Variants in PDE4A observed in about 807,000 individuals in gnomAD.
The protein encoded by PDE4A is 3',5'-cyclic-AMP phosphodiesterase 4A.
A neutral mutation model predicts 73.9 loss-of-function variants in PDE4A; 21 were observed. The observed-to-expected ratio is 0.28, with a 90% CI of 0.20 to 0.41. The LOEUF (loss-of-function observed/expected upper bound fraction) is 0.41, where lower values mean the gene tolerates loss of function less well. PDE4A is among the 10% of genes least tolerant of loss of function. The pLI is 1.00. For synonymous variants in PDE4A, 463 were observed against 505.4 expected (o/e 0.92, Z 1.13); for missense variants, 958 against 1,211.4 (o/e 0.79, Z 3.10).
chr19:10,462,401 GCCC>G (rs921267735), intron 13 of PDE4A, among the ~76,000 whole-genome samples: 1 of 81,652 alleles, frequency 1.2e-5, no homozygotes, highest in Non-Finnish European at 2.7e-5. Context: ...ATCCCCCCCC[GCCC>G]CCCGCCTTGG....
intron 6 of PDE4A, among the ~76,000 whole-genome samples, chr19:10,452,293 C>T (rs1341588801): frequency 6.6e-6 from 1 of 151,774 alleles, no homozygotes; most frequent in Non-Finnish European, 1.5e-5. Flanking sequence ...CAAAATTAGT[C>T]GGGTGTGCTG....
upstream of PDE4A, chr19:10,417,536 G>A: frequency 1.4e-6 from 2 of 1,441,026 alleles, no homozygotes; most frequent in Non-Finnish European, 1.8e-6. Context: ...TGGCTCACAC[G>A]TGAAGGGGAG....
chr19:10,421,734 G>C (rs902001487), intron 1 of PDE4A, among the ~76,000 whole-genome samples: 3 of 152,168 alleles, frequency 2.0e-5, no homozygotes, highest in African/African-American at 7.2e-5. Context: ...AACAGTGGAG[G>C]GGGGGCGCAG....
chr19:10,449,331 TTTTG>T (rs1298341686), intron 4 of PDE4A, among the ~76,000 whole-genome samples, 181 bp downstream of exon 4: 21 of 150,344 alleles, frequency 1.4e-4, no homozygotes, highest in South Asian at 1.0e-3. Flanking sequence ...CAGAGGTGTT[TTTTG>T]TTTGTTTGTT....
rs1252093571 is a variant in PDE4A, at chr19:10,420,888, C to G, written c.124C>G (p.Arg42Gly). 18 of 1,589,446 alleles carry G rather than the reference C, an allele frequency of 1.1e-5. No individual in the cohort carries two copies. In the Admixed American group the frequency reaches 2.5e-4, roughly 22 times the overall value. ...HLWRQPRTPI[R>G]IQQRGYSDSA... ...GTGGCGGCAGCCTCGGACCCCCATC[C>G]GTATCCAGCAGCGCGGCTACTCCGA... Residue 42 changes from arginine (R) to glycine (G), a missense_variant, in exon 1 of 15, where the codon CGT becomes GGT. Arg to Gly is a moderately radical substitution (Grantham distance 125). Coordinates refer to ENST00000380702, the MANE Select transcript of PDE4A (RefSeq NM_001111307.2). This position sits in a 1 kb window ranked among gnomAD's most constrained non-coding sequence, Gnocchi z 6.0.
chr19:10,430,791 G>C, intron 1 of PDE4A: 1 of 687,700 alleles, frequency 1.5e-6, no homozygotes, highest in Non-Finnish European at 1.8e-6. Flanking sequence ...TGGGCCTGGC[G>C]GGGTGGGCGG....
At chr19:10,461,490 C>T (rs780090078) in intron 11 of PDE4A, 36 bp from the exon 12 acceptor site, 2 of 1,608,312 alleles carry the variant, frequency 1.2e-6, no homozygotes, top group Admixed American at 3.3e-5. Context: ...GAGCTGCACA[C>T]GTGGGCCCTC....
intron 1 of PDE4A, among the ~76,000 whole-genome samples, chr19:10,442,563 A>G (rs1306726464): frequency 6.6e-6 from 1 of 151,856 alleles, no homozygotes; most frequent in African/African-American, 2.4e-5. Flanking sequence ...ATAAGAAGAC[A>G]CGCTTTAGGC....
upstream of PDE4A, chr19:10,416,923 C>T (rs568897912): frequency 3.2e-6 from 5 of 1,539,488 alleles, no homozygotes; most frequent in East Asian, 9.7e-5. Flanking sequence ...GCAGTCCCAA[C>T]GGCGCGCTAG....
chr19:10,431,793 G>A (rs899757413), intron 1 of PDE4A, among the ~76,000 whole-genome samples: 3 of 152,298 alleles, frequency 2.0e-5, no homozygotes, highest in South Asian at 4.1e-4. Context: ...GGGGACAGAA[G>A]AGGAAGAGGG....
chr19:10,450,456 G>C, intron 4 of PDE4A, 147 bp from the exon 5 acceptor site: 1 of 1,422,350 alleles, frequency 7.0e-7, no homozygotes, highest in Non-Finnish European at 9.2e-7. Context: ...GACTCATTGA[G>C]GCTGCAGGCA....
At chr19:10,428,214 A>G (rs1243839128) in intron 1 of PDE4A, among the ~76,000 whole-genome samples, 1 of 152,106 alleles carries the variant, frequency 6.6e-6, no homozygotes, top group African/African-American at 2.4e-5. Context: ...TTAGTCAGGC[A>G]TGGTGGCGCA....
upstream of PDE4A, among the ~76,000 whole-genome samples, chr19:10,418,350 T>C (rs188983687): frequency 2.8e-4 from 42 of 152,260 alleles, no homozygotes; most frequent in African/African-American, 9.9e-4. Flanking sequence ...TCTGGGGACC[T>C]TCCAGGTACC....
At chr19:10,426,032 A>G (rs1329186609) in intron 1 of PDE4A, among the ~76,000 whole-genome samples, 1 of 148,730 alleles carries the variant, frequency 6.7e-6, no homozygotes, top group East Asian at 2.0e-4. Flanking sequence ...GGAAGGAAGG[A>G]AAGAAAAGAG....
Position 10,453,316 on chromosome 19 carries a change from G to A in PDE4A, c.784-1513G>A, listed in dbSNP as rs1462612487. 2.5e-6 allele frequency: 4 copies of A among 1,613,428 alleles called. No homozygotes were observed. In the South Asian group the frequency reaches 3.3e-5, roughly 13 times the overall value. On this transcript the variant is annotated intron_variant, in intron 6 of 14. Transcript: ENST00000380702. This position sits in a 1 kb window ranked among gnomAD's most constrained non-coding sequence, Gnocchi z 4.6. ...ACCTGCTCTAAGCCTTGGCTGGTGG[G>A]CTGGTGGGACCAGGTAGGAGAGTGC... is the stretch of plus-strand genomic sequence containing the variant.
intron 7 of PDE4A, 101 bp downstream of exon 7, chr19:10,455,023 TCTGA>T: frequency 8.9e-7 from 1 of 1,122,158 alleles, no homozygotes; most frequent in South Asian, 1.3e-5. Context: ...TCCCAGGGAC[TCTGA>T]CTCTCAACTC....
rs373223236 is a variant in PDE4A, at chr19:10,463,911, G to A, written c.1862G>A (p.Arg621His). The change falls in exon 14 of 15, where the codon CGC becomes CAC. Residue 621 changes from arginine (R) to histidine (H), a missense_variant. Physicochemically the swap from Arg to His is conservative, Grantham distance 29. This residue lies in a region of PDE4A where 570 missense variants were observed against 827.7 expected (regional missense o/e 0.69). Coordinates refer to ENST00000380702, the MANE Select transcript of PDE4A (RefSeq NM_001111307.2). ...TTCTTCCAGCAGGGTGACCGAGAGC[G>A]CGAGCGTGGCATGGAAATCAGCCCC... is the stretch of plus-strand genomic sequence containing the variant. ...AEFFQQGDRE[R>H]ERGMEISPMC... is the part of the protein sequence containing the mutation. 23 of 1,614,006 alleles carry A rather than the reference G, an allele frequency of 1.4e-5. No homozygotes were observed. Among genetic ancestry groups the A allele is most frequent in the Non-Finnish European group, 1.7e-5 (20 of 1,180,024 alleles).
intron 7 of PDE4A, among the ~76,000 whole-genome samples, chr19:10,457,123 G>T (rs1019393294): frequency 6.6e-6 from 1 of 152,080 alleles, no homozygotes; most frequent in African/African-American, 2.4e-5. Context: ...GCTTGAACCC[G>T]GGAGGTGGAG....
At chr19:10,456,447 A>G (rs1272291755) in intron 7 of PDE4A, among the ~76,000 whole-genome samples, 4 of 151,930 alleles carry the variant, frequency 2.6e-5, no homozygotes, top group African/African-American at 9.7e-5. Flanking sequence ...AATTGCTTCA[A>G]CCTGGGAGAT....
Sources: allele counts gnomAD v4.1 joint callset (sites outside exome capture counted in the v4.1 genomes callset), GRCh38; gene constraint gnomAD v4.1.1; regional missense constraint gnomAD v4.1.1; non-coding constraint Gnocchi (gnomAD v3.1); transcripts MANE v1.5; gene names NCBI Gene and HGNC (gene_info 2026-07-23, HGNC 2026-07-21).